CCDC39: variants seen among roughly 807,000 people sequenced by gnomAD.
The protein encoded by CCDC39 is coiled-coil domain 39 molecular ruler complex subunit, also known as coiled-coil domain-containing protein 39.
Under a neutral mutation model 121.0 loss-of-function variants are expected in CCDC39, and 113 were observed. The ratio of observed to expected loss-of-function variants is 0.93; its 90% CI spans 0.80 to 1.09. The LOEUF is 1.09. Ranked by LOEUF, CCDC39 falls within the 50% of genes least tolerant of loss-of-function variation. The probability of loss-of-function intolerance (pLI) is 0.00; values close to 1 mark genes in which losing one functional copy is unlikely to be tolerated. For missense variants in CCDC39, 1,063 were observed against 1,074.7 expected (o/e 0.99, Z 0.15); for synonymous variants, 349 against 352.2 (o/e 0.99, Z 0.10).
intron 7 of CCDC39, 136 bp downstream of exon 7, chr3:180,654,626 A>C (rs1711539463): frequency 2.4e-6 from 1 of 420,894 alleles, no homozygotes. Flanking sequence ...AGAGACATTA[A>C]AAAAAAAAAA....
intron 1 of CCDC39, among the ~76,000 whole-genome samples, chr3:180,664,615 C>CA (rs1485836928): frequency 1.3e-5 from 2 of 151,842 alleles, no homozygotes; most frequent in Non-Finnish European, 2.9e-5. Context: ...CAGATCTACT[C>CA]AAAAATGCAT....
At chr3:180,678,498 T>C (rs556201008) in intron 1 of CCDC39, among the ~76,000 whole-genome samples, 1 of 152,128 alleles carries the variant, frequency 6.6e-6, no homozygotes, top group South Asian at 2.1e-4. Flanking sequence ...GGTTGCAATT[T>C]TTTATTTTTT....
chr3:180,658,784 C>A (rs1398448301), intron 6 of CCDC39, among the ~76,000 whole-genome samples: 2 of 152,140 alleles, frequency 1.3e-5, no homozygotes, highest in East Asian at 1.9e-4. Context: ...GAGCTGCTTG[C>A]CAAATGCCTT....
rs1054801797 is a variant in CCDC39 at position 180,679,231 on chromosome 3, C to A, written c.90+60G>T. 6.6e-6 allele frequency: 9 copies of A among 1,368,498 alleles called. No individual in the cohort carries two copies. In the African/African-American group the frequency reaches 1.3e-4, roughly 19 times the overall value. The allele number at this position is 1,368,498 out of a possible 1,614,324, so 84.8% of individuals were successfully genotyped here. A position where few individuals can be genotyped will look rare whatever the true frequency, so the allele number is the denominator to read the frequency against. ...AAAAGGGCTGGGGTAGTACTGCCAA[C>A]CAGAAAACGCCCCCAACAGGCTCTC... On this transcript the variant is annotated intron_variant, in intron 1 of 19. Coordinates refer to ENST00000476379, the MANE Select transcript of CCDC39 (RefSeq NM_181426.2). This position sits in a 1 kb window ranked among gnomAD's most constrained non-coding sequence, Gnocchi z 4.0.
At chr3:180,616,414 A>T (rs1717244366) in intron 18 of CCDC39, 51 bp from the exon 19 acceptor site, 10 of 1,532,184 alleles carry the variant, frequency 6.5e-6, no homozygotes, top group Non-Finnish European at 8.8e-6. Context: ...GTTTTTTAGA[A>T]GATAAATATT....
rs1711684747 is a variant in CCDC39, at chr3:180,659,479, C to T, written c.711G>A (p.Arg237=). 1 of 1,613,480 alleles carries T rather than the reference C, an allele frequency of 6.2e-7. No homozygotes were observed. Among genetic ancestry groups the T allele is most frequent in the Admixed American group, 1.7e-5 (1 of 60,004 alleles). Residue 237 remains arginine, a synonymous_variant, in exon 6 of 20, where the codon AGG becomes AGA. Coordinates refer to ENST00000476379, the MANE Select transcript of CCDC39 (RefSeq NM_181426.2). ...WENTIEQMQK[R]DGDIDNCALE... ...AAGCACAGTTATCTATGTCTCCATC[C>T]CTCTTCTGCATCTGTTCTATTGTGT...
chr3:180,615,020 A>T lies in CCDC39; in HGVS notation c.2727T>A (p.Leu909=). 1 of 1,559,678 alleles carries T rather than the reference A, an allele frequency of 6.4e-7. No homozygotes were observed. The highest frequency in any genetic ancestry group is 1.2e-5 in the South Asian group (1 of 84,276). Residue 909 remains leucine (L), a synonymous_variant, in exon 20 of 20, where the codon CTT becomes CTA. Coordinates refer to ENST00000476379, the MANE Select transcript of CCDC39 (RefSeq NM_181426.2). ...CTAGTGAAGAGGAGGCCGGGAATTTAAGCTCCAGTACTTTAATTGAAGACT... is the reference window on the plus strand; with the variant it reads ...CTAGTGAAGAGGAGGCCGGGAATTTTAGCTCCAGTACTTTAATTGAAGACT... ...TSQSSIKVLE[L]KFPASSSLVG... is the part of the protein sequence containing the mutation.
chr3:180,675,218 T>C (rs937949166), intron 1 of CCDC39, among the ~76,000 whole-genome samples: 3 of 152,206 alleles, frequency 2.0e-5, no homozygotes, highest in Non-Finnish European at 2.9e-5. Context: ...GGAGGGTGTA[T>C]GTGTCCAGGA....
rs117099601 is a variant in CCDC39, at chr3:180,625,566, A to G, written c.1999-5596T>C. On this transcript the variant is annotated intron_variant, in intron 14 of 19. Coordinates refer to ENST00000476379, the MANE Select transcript of CCDC39 (RefSeq NM_181426.2). ...GTGGGTCACATTTCCTTGCTTTTTC[A>G]TGGTTCCTGTGTCCTTCCATTGATA... 5.1e-4 allele frequency among the ~76,000 whole-genome samples: 77 copies of G among 151,866 alleles called. No individual in the cohort carries two copies. In the East Asian group the frequency reaches 0.015, roughly 29 times the overall value.
rs769223754 is a variant in CCDC39 at position 180,641,993 on chromosome 3, C to T, written c.1874G>A (p.Ser625Asn). Residue 625 changes from serine to asparagine, a missense_variant and splice_region_variant, in exon 13 of 20, where the codon AGC (serine) becomes AAC (asparagine). Physicochemically the swap from Ser to Asn is conservative, Grantham distance 46. Coordinates refer to ENST00000476379, the MANE Select transcript of CCDC39 (RefSeq NM_181426.2). ...RYVDQERENI[S>N]TEFRERLSKI... ...CAGCAGTTTTAAAACTGAAAATTAC[C>T]TTATGTTTTCCCGTTCTTGATCAAC... 2.5e-6 allele frequency: 4 copies of T among 1,569,412 alleles called. No homozygotes were observed. Among genetic ancestry groups the T allele is most frequent in the Non-Finnish European group, 3.5e-6 (4 of 1,155,762 alleles).
intron 2 of CCDC39, among the ~76,000 whole-genome samples, chr3:180,662,546 A>G (rs1711766442): frequency 1.3e-5 from 2 of 152,128 alleles, no homozygotes; most frequent in Non-Finnish European, 2.9e-5. Context: ...ATCACTTAGT[A>G]TTAATTTTAC....
intron 14 of CCDC39, among the ~76,000 whole-genome samples, chr3:180,624,032 G>A (rs1035927594): frequency 1.3e-5 from 2 of 151,962 alleles, no homozygotes; most frequent in African/African-American, 4.8e-5. Flanking sequence ...GTGGGGTGTT[G>A]ACCCACCATT....
chr3:180,641,964 T>C, intron 13 of CCDC39, 29 bp downstream of exon 13: 1 of 1,476,668 alleles, frequency 6.8e-7, no homozygotes, highest in Admixed American at 2.0e-5. Context: ...TTTTTTTAAT[T>C]CCTCAGCAGT....
chr3:180,636,117 G>C (rs1429096697), intron 13 of CCDC39, among the ~76,000 whole-genome samples: 1 of 152,182 alleles, frequency 6.6e-6, no homozygotes, highest in Non-Finnish European at 1.5e-5. Flanking sequence ...CAGTAGGCAA[G>C]AGAATGAAAT....
Position 180,630,336 on chromosome 3 carries a change from A to G in CCDC39, c.1998+1133T>C, listed in dbSNP as rs149250751. On this transcript the variant is annotated intron_variant, in intron 14 of 19. Coordinates refer to ENST00000476379, the MANE Select transcript of CCDC39 (RefSeq NM_181426.2). Reference sequence around the variant, plus strand: ...GTATTACAGACTGACAAGTTATAAGAAAGTTTTGAGAGCTGGGACTGATTT... The same window carrying G: ...GTATTACAGACTGACAAGTTATAAGGAAGTTTTGAGAGCTGGGACTGATTT... 3.3e-3 allele frequency among the ~76,000 whole-genome samples: 498 copies of G among 152,234 alleles called. 3 individuals carry two copies. Among genetic ancestry groups the G allele is most frequent in the Admixed American group, 7.3e-3 (111 of 15,284 alleles).
At chr3:180,650,188 C>T (rs192825226) in intron 9 of CCDC39, among the ~76,000 whole-genome samples, 12 of 152,248 alleles carry the variant, frequency 7.9e-5, no homozygotes, top group Non-Finnish European at 1.3e-4. Context: ...CGAAGTGGTG[C>T]ACCAGCCTTT....
intron 14 of CCDC39, among the ~76,000 whole-genome samples, chr3:180,626,376 G>A (rs1717561574): frequency 6.6e-6 from 1 of 152,148 alleles, no homozygotes; most frequent in African/African-American, 2.4e-5. Flanking sequence ...GGCTGTGACA[G>A]TCAAAGGTGG....
At position 180,615,094 on chromosome 3, in the gene CCDC39, A is replaced by T; in HGVS notation, c.2670-17T>A. On this transcript the variant is annotated splice_polypyrimidine_tract_variant and intron_variant, in intron 19 of 19. Transcript: ENST00000476379. ...CTAGATGACCTAGAAGAAAAACCAG[A>T]ATTATAAATTCAATGCAAAGTTTAT... 6.6e-7 allele frequency: 1 copy of T among 1,506,268 alleles called. No homozygotes were observed. Among genetic ancestry groups the T allele is most frequent in the South Asian group, 1.3e-5 (1 of 74,606 alleles). 93.3% of individuals were successfully genotyped at this position (1,506,268 alleles called of 1,614,324 possible).
At chr3:180,664,498 C>T (rs1006779268) in intron 1 of CCDC39, among the ~76,000 whole-genome samples, 1 of 152,132 alleles carries the variant, frequency 6.6e-6, no homozygotes, top group East Asian at 1.9e-4. Flanking sequence ...CTAAAATCTA[C>T]TAATTCTTTA....
Sources: gnomAD v4.1 joint callset for allele counts (sites outside exome capture counted in the v4.1 genomes callset) on GRCh38, gnomAD v4.1.1 for gene constraint, Gnocchi (gnomAD v3.1) non-coding constraint, MANE v1.5 for transcripts, NCBI Gene and HGNC (gene_info 2026-07-23, HGNC 2026-07-21) for gene names.